Variants in ARHGEF38 observed in about 807,000 individuals in gnomAD.
ARHGEF38 encodes the protein Rho guanine nucleotide exchange factor 38.
Under a neutral mutation model 79.9 loss-of-function variants are expected in ARHGEF38, and 79 were observed. The observed-to-expected ratio is 0.99, with a 90% CI of 0.82 to 1.19. The LOEUF is 1.19. Ranked by LOEUF, ARHGEF38 falls within the 50% of genes most tolerant of loss-of-function variation. The pLI is 0.00. For missense variants in ARHGEF38, 962 were observed against 907.2 expected (o/e 1.06, Z -0.78); for synonymous variants, 366 against 328.3 (o/e 1.11, Z -1.24).
intron 1 of ARHGEF38, among the ~76,000 whole-genome samples, chr4:105,567,844 A>G (rs1726008625): frequency 6.6e-6 from 1 of 151,904 alleles, no homozygotes; most frequent in East Asian, 1.9e-4. Flanking sequence ...AGTTAGTTAC[A>G]TACGTATACA....
intron 1 of ARHGEF38, among the ~76,000 whole-genome samples, chr4:105,558,710 T>C (rs1467275524): frequency 6.6e-6 from 1 of 152,196 alleles, no homozygotes; most frequent in African/African-American, 2.4e-5. Flanking sequence ...CTGTTTGAGC[T>C]ATTCTACTAC....
At chr4:105,661,292 C>T (rs1438313113) in intron 10 of ARHGEF38, among the ~76,000 whole-genome samples, 1 of 151,932 alleles carries the variant, frequency 6.6e-6, no homozygotes, top group African/African-American at 2.4e-5. Context: ...TGTAAACATT[C>T]AAGTTTTTAG....
At chr4:105,581,652 TTA>T (rs1726796083) in intron 1 of ARHGEF38, among the ~76,000 whole-genome samples, 1 of 152,190 alleles carries the variant, frequency 6.6e-6, no homozygotes, top group African/African-American at 2.4e-5. Context: ...AGATTCTGTA[TTA>T]TCTTTTAAAA....
At chr4:105,563,995 G>A (rs1725763037) in intron 1 of ARHGEF38, among the ~76,000 whole-genome samples, 1 of 152,124 alleles carries the variant, frequency 6.6e-6, no homozygotes, top group African/African-American at 2.4e-5. Flanking sequence ...AAAACTCCTT[G>A]TCATCACTAA....
chr4:105,564,805 A>C (rs1233317843), intron 1 of ARHGEF38, among the ~76,000 whole-genome samples: 1 of 152,192 alleles, frequency 6.6e-6, no homozygotes, highest in Non-Finnish European at 1.5e-5. Flanking sequence ...GAAATATTTG[A>C]AGATATTTAT....
chr4:105,595,148 A>G (rs967482208), intron 2 of ARHGEF38, among the ~76,000 whole-genome samples: 3 of 152,178 alleles, frequency 2.0e-5, no homozygotes. Flanking sequence ...CAAGGGGGCT[A>G]TAGAATTCCT....
intron 1 of ARHGEF38, among the ~76,000 whole-genome samples, chr4:105,560,408 A>G (rs1316797951): frequency 6.6e-6 from 1 of 152,200 alleles, no homozygotes; most frequent in Non-Finnish European, 1.5e-5. Context: ...AACTTAATAT[A>G]TATCAGAATA....
intron 1 of ARHGEF38, among the ~76,000 whole-genome samples, chr4:105,554,559 G>A (rs1292134805): frequency 6.6e-6 from 1 of 152,172 alleles, no homozygotes; most frequent in East Asian, 1.9e-4. Context: ...TGGCTGTGTA[G>A]TATTCCATGA....
Position 105,679,964 on chromosome 4 carries a change from G to T in ARHGEF38, c.*2027G>T. 1 of 1,338,196 alleles carries T rather than the reference G, an allele frequency of 7.5e-7. No homozygotes were observed. The highest frequency in any genetic ancestry group is 1.1e-6 in the Non-Finnish European group (1 of 933,986). The allele number at this position is 1,338,196 out of a possible 1,614,324, so 82.9% of individuals were successfully genotyped here. ...TTTAGTGTAATTTCTCTTTGTGACT[G>T]TGCAATGTCCCCATGTAAACACAGT... On this transcript the variant is annotated 3_prime_UTR_variant, in exon 14 of 14. Transcript: ENST00000420470.
At chr4:105,558,632 T>C (rs1725365137) in intron 1 of ARHGEF38, among the ~76,000 whole-genome samples, 2 of 151,774 alleles carry the variant, frequency 1.3e-5, no homozygotes, top group Non-Finnish European at 2.9e-5. Context: ...TTTTTTTCAG[T>C]AGAGACATCT....
intron 13 of ARHGEF38, among the ~76,000 whole-genome samples, chr4:105,674,751 A>C (rs1241088648): frequency 6.6e-6 from 1 of 152,078 alleles, no homozygotes; most frequent in Non-Finnish European, 1.5e-5. Flanking sequence ...TAAATTTACA[A>C]TTTCATGAGA....
intron 3 of ARHGEF38, among the ~76,000 whole-genome samples, chr4:105,627,052 C>T (rs892124492): frequency 6.6e-6 from 1 of 152,180 alleles, no homozygotes; most frequent in East Asian, 1.9e-4. Flanking sequence ...TTACTTTTCA[C>T]ATAGTATGGT....
At chr4:105,580,997 A>T (rs1376203695) in intron 1 of ARHGEF38, among the ~76,000 whole-genome samples, 1 of 152,074 alleles carries the variant, frequency 6.6e-6, no homozygotes, top group Non-Finnish European at 1.5e-5. Flanking sequence ...TTTTTGGTGG[A>T]GAGTTCTGTA....
In ARHGEF38 at chr4:105,679,212, T is replaced by C. The variant is rs1731224954; in HGVS notation, c.*1275T>C. On this transcript the variant is annotated 3_prime_UTR_variant, in exon 14 of 14. Transcript: ENST00000420470. The stretch of plus-strand genomic sequence containing the variant: ...ACTGGCCTGACCAGCCACTCCTCTG[T>C]CTGGAATTAAAAGATGTTTCCATCA... 1 of 647,776 alleles carries C rather than the reference T, an allele frequency of 1.5e-6. No individual in the cohort carries two copies. The highest frequency in any genetic ancestry group is 2.8e-6 in the Non-Finnish European group (1 of 359,082). The allele number at this position is 647,776 out of a possible 1,614,324, so 40.1% of individuals were successfully genotyped here.
At chr4:105,557,517 G>A (rs72669922) in intron 1 of ARHGEF38, among the ~76,000 whole-genome samples, 1 of 151,326 alleles carries the variant, frequency 6.6e-6, no homozygotes, top group Non-Finnish European at 1.5e-5. Flanking sequence ...AATCCCCAAT[G>A]TGACAGTATT....
chr4:105,590,854 T>G (rs1054351734), intron 2 of ARHGEF38, among the ~76,000 whole-genome samples: 1 of 152,204 alleles, frequency 6.6e-6, no homozygotes. Context: ...TTCCTTCTGA[T>G]AAATATCTTC....
intron 1 of ARHGEF38, among the ~76,000 whole-genome samples, chr4:105,568,863 G>C (rs113656961): frequency 6.6e-6 from 1 of 152,204 alleles, no homozygotes; most frequent in African/African-American, 2.4e-5. Context: ...GTTTATAAAA[G>C]TGCATATTCC....
chr4:105,570,118 T>G (rs1028254699), intron 1 of ARHGEF38: 1 of 152,204 alleles, frequency 6.6e-6, no homozygotes, highest in African/African-American at 2.4e-5. Context: ...CTTCTGCATA[T>G]TCTATGAATC....
chr4:105,593,707 G>A (rs934888473), intron 2 of ARHGEF38, among the ~76,000 whole-genome samples: 1 of 152,136 alleles, frequency 6.6e-6, no homozygotes, highest in African/African-American at 2.4e-5. Flanking sequence ...CCGCTAAAAT[G>A]AATGTCATTG....
Sources: allele counts gnomAD v4.1 joint callset (sites outside exome capture counted in the v4.1 genomes callset), GRCh38; gene constraint gnomAD v4.1.1; transcripts MANE v1.5; gene names NCBI Gene and HGNC (gene_info 2026-07-23, HGNC 2026-07-21).